The following ROBO1 variants were observed in gnomAD, a reference collection of about 807,000 sequenced individuals.
ROBO1 encodes the protein roundabout homolog 1.
ROBO1 carries 149 observed loss-of-function variants against 195.9 expected under a neutral mutation model. That is an observed-to-expected ratio of 0.76 (90% CI 0.67 to 0.87). The LOEUF is 0.87. Among genes scored for constraint, ROBO1 ranks in the 40% least tolerant of loss-of-function variants. The probability of loss-of-function intolerance (pLI) is 0.00; values close to 1 mark genes in which losing one functional copy is unlikely to be tolerated. For missense variants in ROBO1, 1,933 were observed against 2,068.3 expected (o/e 0.93, Z 1.27); for synonymous variants, 816 against 733.2 (o/e 1.11, Z -1.82).
At chr3:78,724,554 T>TG (rs1559789687) in intron 5 of ROBO1, among the ~76,000 whole-genome samples, 1 of 145,282 alleles carries the variant, frequency 6.9e-6, no homozygotes, top group African/African-American at 2.6e-5. Context: ...TGCTGGCACA[T>TG]GCGTGTAGTC....
At chr3:79,479,663 A>G (rs762560387) in intron 2 of ROBO1, among the ~76,000 whole-genome samples, 5 of 152,194 alleles carry the variant, frequency 3.3e-5, no homozygotes, top group Non-Finnish European at 5.9e-5. Flanking sequence ...GAAATCTACA[A>G]TATCAAAAAA....
chr3:79,347,596 A>T (rs533340459), intron 2 of ROBO1, among the ~76,000 whole-genome samples: 1 of 152,302 alleles, frequency 6.6e-6, no homozygotes, highest in East Asian at 1.9e-4. Flanking sequence ...ATGTTAAGGA[A>T]TTTCAATATT....
In ROBO1 at chr3:78,617,980, A is replaced by T; in HGVS notation, c.3937T>A (p.Tyr1313Asn). Residue 1313 changes from tyrosine to asparagine, a missense_variant, in exon 27 of 31, where the codon TAC (tyrosine) becomes AAC (asparagine). Around this residue, in one of 3 missense-constraint regions of ROBO1, gnomAD observed 1,737 missense variants for 1,882.5 expected, o/e 0.92. Transcript: ENST00000464233. ...TCTGAGACCAGGGGTCCTGAAATGT[A>T]GCCATAGGTATGTGGAGGGGAGATC... ...RPISPPHTYG[Y>N]ISGPLVSDMD... The T allele has an allele frequency of 6.2e-7, 1 of 1,613,994 alleles. No individual in the cohort carries two copies. The highest frequency in any genetic ancestry group is 8.5e-7 in the Non-Finnish European group (1 of 1,179,880).
chr3:78,898,562 G>A (rs2107449347), intron 4 of ROBO1, among the ~76,000 whole-genome samples: 1 of 151,130 alleles, frequency 6.6e-6, no homozygotes, highest in South Asian at 2.1e-4. Flanking sequence ...TAATTTTTTT[G>A]TATTTTTCAG....
At chr3:78,716,309 T>C (rs2081901095) in intron 7 of ROBO1, among the ~76,000 whole-genome samples, 1 of 152,140 alleles carries the variant, frequency 6.6e-6, no homozygotes, top group African/African-American at 2.4e-5. Flanking sequence ...TGACTCACAG[T>C]TCCACATGGC....
chr3:78,742,053 T>G (rs2082545319), intron 5 of ROBO1, among the ~76,000 whole-genome samples: 1 of 152,068 alleles, frequency 6.6e-6, no homozygotes, highest in Admixed American at 6.6e-5. Flanking sequence ...AAAATACAGG[T>G]GCAGCTATAA....
At chr3:78,716,083 T>TTTC (rs1216096748) in intron 7 of ROBO1, among the ~76,000 whole-genome samples, 1 of 152,188 alleles carries the variant, frequency 6.6e-6, no homozygotes, top group African/African-American at 2.4e-5. Context: ...GGAATATTCT[T>TTTC]TTCTTCTTCC....
chr3:78,861,848 T>C (rs2034861981), intron 4 of ROBO1, among the ~76,000 whole-genome samples: 1 of 152,120 alleles, frequency 6.6e-6, no homozygotes, highest in Non-Finnish European at 1.5e-5. Context: ...AAGCATCCTA[T>C]GATATTTAAT....
chr3:79,343,731 T>C (rs1228957891), intron 2 of ROBO1, among the ~76,000 whole-genome samples: 1 of 145,708 alleles, frequency 6.9e-6, no homozygotes, highest in Admixed American at 6.8e-5. Context: ...AAGAAGAAAA[T>C]TTGCCAAGTA....
intron 2 of ROBO1, among the ~76,000 whole-genome samples, chr3:79,527,108 A>T (rs1020818092): frequency 2.0e-5 from 3 of 152,162 alleles, no homozygotes; most frequent in African/African-American, 7.2e-5. Context: ...ATGTGAGTAG[A>T]TATTATGTTA....
chr3:79,039,458 A>G (rs2078441354), intron 3 of ROBO1, among the ~76,000 whole-genome samples: 1 of 152,168 alleles, frequency 6.6e-6, no homozygotes, highest in Non-Finnish European at 1.5e-5. Context: ...AAAGCTAGGC[A>G]GTAGAAATAG....
At chr3:79,711,254 G>A (rs548396515) in intron 1 of ROBO1, among the ~76,000 whole-genome samples, 4 of 152,024 alleles carry the variant, frequency 2.6e-5, no homozygotes, top group African/African-American at 7.2e-5. Flanking sequence ...GTTTCCTTGT[G>A]CATAATACAG....
chr3:79,696,215 T>C (rs957897967), intron 1 of ROBO1, among the ~76,000 whole-genome samples: 5 of 151,450 alleles, frequency 3.3e-5, no homozygotes, highest in African/African-American at 1.2e-4. Flanking sequence ...AGGAAATCCC[T>C]TCAGCTGATT....
intron 2 of ROBO1, among the ~76,000 whole-genome samples, chr3:79,359,616 CTTA>C (rs935073837): frequency 2.0e-4 from 30 of 151,924 alleles, no homozygotes; most frequent in African/African-American, 6.8e-4. Flanking sequence ...CCAGATTTGA[CTTA>C]TTATTTGTTC....
rs558817273 is a variant in ROBO1, at chr3:78,661,098, G to A, written c.2252C>T (p.Ala751Val). 3 of 1,613,448 alleles carry A rather than the reference G, an allele frequency of 1.9e-6. No homozygotes were observed. Among genetic ancestry groups the A allele is most frequent in the South Asian group, 2.2e-5 (2 of 91,012 alleles). The change falls in exon 16 of 31, where the codon GCT becomes GTT. Residue 751 changes from alanine to valine, a missense_variant. Coordinates refer to ENST00000464233, the MANE Select transcript of ROBO1 (RefSeq NM_002941.4). ...LRKGVNYEIKARPFFNEFQGA... is the reference protein window; with the variant it reads ...LRKGVNYEIKVRPFFNEFQGA... ...TTGAAATTCATTAAAAAAAGGGCGA[G>A]CCTTAATTTCATAGTTGACTCCCTT...
chr3:79,528,396 C>G (rs1941521756), intron 2 of ROBO1, among the ~76,000 whole-genome samples: 1 of 152,142 alleles, frequency 6.6e-6, no homozygotes, highest in African/African-American at 2.4e-5. Flanking sequence ...TGTATTAACT[C>G]ATTTTCCTGG....
At chr3:79,128,258 G>A (rs2080254528) in intron 2 of ROBO1, among the ~76,000 whole-genome samples, 1 of 152,118 alleles carries the variant, frequency 6.6e-6, no homozygotes, top group African/African-American at 2.4e-5. Context: ...AGGTTCAGCT[G>A]CAATTGGTGA....
At chr3:78,812,525 C>T (rs1305360505) in intron 4 of ROBO1, among the ~76,000 whole-genome samples, 3 of 152,036 alleles carry the variant, frequency 2.0e-5, no homozygotes, top group Non-Finnish European at 2.9e-5. Flanking sequence ...TATCCTGATC[C>T]CCTTATTTAA....
chr3:79,083,609 A>G (rs1042541001), intron 3 of ROBO1, among the ~76,000 whole-genome samples: 2 of 152,170 alleles, frequency 1.3e-5, no homozygotes, highest in African/African-American at 2.4e-5. Context: ...TAACTGAAAT[A>G]TTTGTCACTG....
Sources: allele counts gnomAD v4.1 joint callset (sites outside exome capture counted in the v4.1 genomes callset), GRCh38; gene constraint gnomAD v4.1.1; regional missense constraint gnomAD v4.1.1; transcripts MANE v1.5; gene names NCBI Gene and HGNC (gene_info 2026-07-23, HGNC 2026-07-21).